SATL1: variants seen among roughly 807,000 people sequenced by gnomAD.
SATL1 encodes the protein spermidine/spermine N1-acetyl transferase like 1, also known as spermidine/spermine N(1)-acetyltransferase-like protein 1.
A neutral mutation model predicts 51.8 loss-of-function variants in SATL1; 47 were observed. That is an observed-to-expected ratio of 0.91 (90% confidence interval 0.72 to 1.16). SATL1 has a LOEUF of 1.16. Ranked by LOEUF, SATL1 falls within the 50% of genes most tolerant of loss-of-function variation. SATL1 has a pLI of 0.00. For synonymous variants in SATL1, 176 were observed against 182.4 expected, an observed-to-expected ratio of 0.97 and a Z score of 0.28; for missense variants, 520 against 526.4, an observed-to-expected ratio of 0.99 and a Z score of 0.12.
intron 3 of SATL1, among the ~76,000 whole-genome samples, chrX:85,106,553 CT>C (rs1925046591): frequency 1.8e-5 from 2 of 112,139 alleles, no homozygotes; most frequent in South Asian, 3.7e-4. Context: ...CACATATTTA[CT>C]CCATAAAGAA....
intron 2 of SATL1, among the ~76,000 whole-genome samples, chrX:85,197,513 G>T (rs867667285): frequency 4.9e-4 from 48 of 97,838 alleles, no homozygotes; most frequent in Non-Finnish European, 8.9e-4. Flanking sequence ...TATTATTATT[G>T]TACTTTAAGT....
intron 4 of SATL1, among the ~76,000 whole-genome samples, chrX:85,100,891 A>G (rs1422895298): frequency 8.9e-6 from 1 of 112,093 alleles, no homozygotes; most frequent in East Asian, 2.8e-4. Context: ...AGACCTCAGA[A>G]ACAAACCCTC....
intron 2 of SATL1, among the ~76,000 whole-genome samples, chrX:85,111,670 T>G (rs915048943): frequency 3.5e-4 from 39 of 112,382 alleles, no homozygotes; most frequent in African/African-American, 1.3e-3. Flanking sequence ...AATTTTAGTT[T>G]TAACATACTA....
At chrX:85,178,805 A>T (rs1264965441) in intron 2 of SATL1, among the ~76,000 whole-genome samples, 1 of 111,370 alleles carries the variant, frequency 9.0e-6, no homozygotes, top group Non-Finnish European at 1.9e-5. Flanking sequence ...AACAAGAATT[A>T]TTGGTCTATA....
At position 85,145,909 on chromosome X, in the gene SATL1, T is replaced by TA. The variant is rs1160319694; in HGVS notation, c.-312-36630_-312-36629insT. On this transcript the variant is annotated intron_variant, in intron 2 of 7. Coordinates refer to ENST00000644105, the MANE Select transcript of SATL1 (RefSeq NM_001367857.2). Reference sequence around the variant, plus strand: ...TTATTACAGTATATTCTTTTTTTTTTTTTTTGAGACAGAGTCTCGCTCTGT... The same window carrying TA: ...TTATTACAGTATATTCTTTTTTTTTTATTTTTGAGACAGAGTCTCGCTCTGT... Among the ~76,000 whole-genome samples, 17 of 108,949 alleles carry TA rather than the reference T, an allele frequency of 1.6e-4. No homozygotes were observed. The South Asian group carries it at 6.1e-3, about 39-fold the overall frequency. The allele number at this position is 108,949 out of a possible 115,157, so 94.6% of individuals were successfully genotyped here.
At chrX:85,093,415 G>A (rs1924589811) in intron 6 of SATL1, 190 bp from the exon 7 acceptor site, 1 of 409,291 alleles carries the variant, frequency 2.4e-6, no homozygotes, top group African/African-American at 2.5e-5. Flanking sequence ...AAAGGTCATA[G>A]AAGAGTTTGG....
chrX:85,147,537 C>A (rs1355103495), intron 2 of SATL1, among the ~76,000 whole-genome samples: 2 of 113,421 alleles, frequency 1.8e-5, no homozygotes, highest in Admixed American at 9.2e-5. Flanking sequence ...GTCCCTGACC[C>A]CTGACCCCCG....
intron 2 of SATL1, among the ~76,000 whole-genome samples, 163 bp downstream of exon 2, chrX:85,224,042 T>C (rs1443169462): frequency 1.8e-5 from 2 of 111,870 alleles, no homozygotes; most frequent in Non-Finnish European, 3.8e-5. Flanking sequence ...TCTTAACTAT[T>C]GTATTAGTTT....
chrX:85,240,166 G>A (rs763215338), intron 1 of SATL1, among the ~76,000 whole-genome samples: 1 of 111,481 alleles, frequency 9.0e-6, no homozygotes, highest in African/African-American at 3.3e-5. Flanking sequence ...AACTTAAATG[G>A]ACGCTTCATC....
intron 2 of SATL1, among the ~76,000 whole-genome samples, chrX:85,134,788 C>T (rs1925908705): frequency 9.0e-6 from 1 of 111,246 alleles, no homozygotes; most frequent in African/African-American, 3.3e-5. Context: ...GTAAGGTTTT[C>T]AATGCTTAGA....
At chrX:85,095,601 C>G (rs1206361768) in intron 4 of SATL1, among the ~76,000 whole-genome samples, 2 of 21,455 alleles carry the variant, frequency 9.3e-5, no homozygotes, top group African/African-American at 2.3e-4. Flanking sequence ...CCGAGGCGGG[C>G]GGATCACGAG....
chrX:85,151,416 C>T (rs1171097976), intron 2 of SATL1, among the ~76,000 whole-genome samples: 58 of 111,342 alleles, frequency 5.2e-4, no homozygotes, highest in African/African-American at 1.6e-3. Context: ...GGTTCAATGC[C>T]ATTCCCATCA....
At chrX:85,135,955 T>C (rs959400510) in intron 2 of SATL1, among the ~76,000 whole-genome samples, 3 of 110,191 alleles carry the variant, frequency 2.7e-5, no homozygotes, top group African/African-American at 6.6e-5. Context: ...AGGTAAATTA[T>C]AGCAATAATA....
chrX:85,240,730 T>C (rs1378142090), intron 1 of SATL1, among the ~76,000 whole-genome samples: 3 of 111,153 alleles, frequency 2.7e-5, no homozygotes, highest in Non-Finnish European at 3.8e-5. Context: ...TTTTATATAG[T>C]CAATGTGTTT....
chrX:85,156,863 A>G (rs1345784982), intron 2 of SATL1, among the ~76,000 whole-genome samples: 1 of 52,700 alleles, frequency 1.9e-5, no homozygotes, highest in African/African-American at 7.0e-5. Context: ...ATATATATAT[A>G]TATATAAAAT....
At chrX:85,161,479 TAAA>T (rs375382557) in intron 2 of SATL1, among the ~76,000 whole-genome samples, 35 of 59,497 alleles carry the variant, frequency 5.9e-4, no homozygotes, top group African/African-American at 1.7e-3. Flanking sequence ...GCCAAGCAAA[TAAA>T]AAAAAAAAAA....
chrX:85,162,906 G>A (rs2147729436), intron 2 of SATL1, among the ~76,000 whole-genome samples: 1 of 111,151 alleles, frequency 9.0e-6, no homozygotes, highest in East Asian at 2.9e-4. Flanking sequence ...GGACCATGGT[G>A]TATTATCTTT....
At chrX:85,214,821 A>C (rs1053220745) in intron 2 of SATL1, among the ~76,000 whole-genome samples, 9 of 111,516 alleles carry the variant, frequency 8.1e-5, no homozygotes, top group Non-Finnish European at 1.7e-4. Flanking sequence ...TCAAATCTTA[A>C]AGCTCCAAGA....
intron 2 of SATL1, chrX:85,118,406 C>G (rs1428702528): frequency 9.1e-6 from 1 of 109,931 alleles, no homozygotes; most frequent in Non-Finnish European, 1.9e-5. Flanking sequence ...GGAGCCTGGA[C>G]TGAGTCATGA....
Sources: allele counts gnomAD v4.1 joint callset (sites outside exome capture counted in the v4.1 genomes callset), GRCh38; gene constraint gnomAD v4.1.1; transcripts MANE v1.5; gene names NCBI Gene and HGNC (gene_info 2026-07-23, HGNC 2026-07-21).